The following SCUBE1 variants were observed in gnomAD, a reference collection of about 807,000 sequenced individuals.
SCUBE1 encodes signal peptide, CUB and EGF-like domain-containing protein 1.
SCUBE1 carries 59 observed loss-of-function variants against 124.4 expected under a neutral mutation model. The observed-to-expected ratio is 0.47, with a 90% CI of 0.38 to 0.59. The LOEUF is 0.59. Among genes scored for constraint, SCUBE1 ranks in the 20% least tolerant of loss-of-function variants. SCUBE1 has a pLI of 0.00. For synonymous variants in SCUBE1, 545 were observed against 550.9 expected, an observed-to-expected ratio of 0.99 and a Z score of 0.15; for missense variants, 1,150 against 1,371.2, an observed-to-expected ratio of 0.84 and a Z score of 2.55.
At chr22:43,280,802 G>C (rs1290125503) in intron 4 of SCUBE1, among the ~76,000 whole-genome samples, 1 of 124,400 alleles carries the variant, frequency 8.0e-6, no homozygotes, top group Non-Finnish European at 1.6e-5. Flanking sequence ...CAGCTACCCT[G>C]TCACCTCCCT....
intron 3 of SCUBE1, among the ~76,000 whole-genome samples, chr22:43,292,556 A>AACACACACACACACACACACACACAC (rs3985926): frequency 7.2e-6 from 1 of 139,600 alleles, no homozygotes; most frequent in African/African-American, 2.7e-5. Flanking sequence ...CCCGGTCCCT[A>AACACACACACACACACACACACACAC]ACACACACAC....
intron 10 of SCUBE1, among the ~76,000 whole-genome samples, chr22:43,226,433 GCCCTC>G (rs1922308698): frequency 6.6e-6 from 1 of 152,024 alleles, no homozygotes; most frequent in Non-Finnish European, 1.5e-5. Context: ...GTGTGGGGGG[GCCCTC>G]CAGGCCAAGA....
chr22:43,231,454 C>T (rs912514733), intron 8 of SCUBE1, among the ~76,000 whole-genome samples: 6 of 152,204 alleles, frequency 3.9e-5, no homozygotes, highest in African/African-American at 1.4e-4. Context: ...CAGAGGAGTT[C>T]GATGCTGGGA....
chr22:43,291,241 G>A (rs891011360), intron 3 of SCUBE1, 61 bp from the exon 4 acceptor site: 6 of 1,556,922 alleles, frequency 3.9e-6, no homozygotes, highest in African/African-American at 2.7e-5. Context: ...CAGGGCATGA[G>A]GGGCTGGCGG....
chr22:43,203,853 G>T lies in SCUBE1; in HGVS notation c.*144C>A, dbSNP rs570692266. The T allele has an allele frequency of 1.8e-5, 15 of 819,768 alleles. No homozygotes were observed. The East Asian group carries it at 4.0e-4, about 22-fold the overall frequency. The allele number at this position is 819,768 out of a possible 1,614,324, so 50.8% of individuals were successfully genotyped here. On this transcript the variant is annotated 3_prime_UTR_variant, in exon 22 of 22. Coordinates refer to ENST00000360835, the MANE Select transcript of SCUBE1 (RefSeq NM_173050.5). Reference sequence around the variant, plus strand: ...GCGGGTCCGAAGGGTGCCTGGGCTCGGTCTCCATGGGCTGGTCGGCTTCCC... The same window carrying T: ...GCGGGTCCGAAGGGTGCCTGGGCTCTGTCTCCATGGGCTGGTCGGCTTCCC...
intron 3 of SCUBE1, among the ~76,000 whole-genome samples, chr22:43,300,136 T>C (rs1925714401): frequency 6.6e-6 from 1 of 152,176 alleles, no homozygotes; most frequent in Non-Finnish European, 1.5e-5. Flanking sequence ...CCTGGGTGGA[T>C]ACCTGGGGGT....
intron 8 of SCUBE1, among the ~76,000 whole-genome samples, chr22:43,229,707 C>T (rs992119231): frequency 2.0e-5 from 3 of 152,088 alleles, no homozygotes; most frequent in African/African-American, 4.8e-5. Context: ...ATATGCCACC[C>T]ATAAAGGTCA....
intron 5 of SCUBE1, among the ~76,000 whole-genome samples, chr22:43,259,760 C>T: frequency 6.6e-6 from 1 of 152,170 alleles, no homozygotes; most frequent in East Asian, 1.9e-4. Context: ...AGAGGCTGCT[C>T]CCTCTTCCAC....
chr22:43,231,234 C>T (rs1922539235), intron 8 of SCUBE1, among the ~76,000 whole-genome samples: 1 of 152,220 alleles, frequency 6.6e-6, no homozygotes, highest in Non-Finnish European at 1.5e-5. Flanking sequence ...GGACCCTCCC[C>T]GTAGCCTTCC....
At chr22:43,323,115 T>C (rs1042948842) in intron 2 of SCUBE1, among the ~76,000 whole-genome samples, 26 of 152,282 alleles carry the variant, frequency 1.7e-4, no homozygotes, top group African/African-American at 6.0e-4. Context: ...GCTTTATACA[T>C]GATACAGTAT....
intron 7 of SCUBE1, among the ~76,000 whole-genome samples, chr22:43,236,109 T>G (rs999004958): frequency 1.1e-4 from 16 of 152,130 alleles, no homozygotes; most frequent in Non-Finnish European, 1.3e-4. Context: ...GCCTTTGAAC[T>G]CTCTCCTTTG....
intron 3 of SCUBE1, among the ~76,000 whole-genome samples, chr22:43,314,015 C>A (rs1926257469): frequency 6.6e-6 from 1 of 152,174 alleles, no homozygotes; most frequent in South Asian, 2.1e-4. Flanking sequence ...TTGACCCAGA[C>A]TTCTTGAGAC....
chr22:43,277,543 A>T (rs1924582212), intron 4 of SCUBE1, among the ~76,000 whole-genome samples: 1 of 152,176 alleles, frequency 6.6e-6, no homozygotes, highest in South Asian at 2.1e-4. Context: ...TTGGTTCATC[A>T]AGTGTCTTTG....
rs1921538758 is a variant in SCUBE1, at chr22:43,211,231, A to G, written c.2222-148T>C. The G allele has an allele frequency of 2.7e-6, 2 of 752,954 alleles. No individual in the cohort carries two copies. Among genetic ancestry groups the G allele is most frequent in the Non-Finnish European group, 4.3e-6 (2 of 465,260 alleles). 46.6% of individuals were successfully genotyped at this position (752,954 alleles called of 1,614,324 possible). A position where few individuals can be genotyped will look rare whatever the true frequency, so the allele number is the denominator to read the frequency against. On this transcript the variant is annotated intron_variant, in intron 17 of 21. Transcript: ENST00000360835. This position sits in a 1 kb window ranked among gnomAD's most constrained non-coding sequence, Gnocchi z 4.5. The stretch of plus-strand genomic sequence containing the variant: ...CCTCCCCACCGCCCCATGACCTCCC[A>G]CCACCCTCACTCCGCCATGGCCAGG...
intron 9 of SCUBE1, among the ~76,000 whole-genome samples, chr22:43,228,113 C>T (rs1922400489): frequency 6.6e-6 from 1 of 152,200 alleles, no homozygotes; most frequent in South Asian, 2.1e-4. Flanking sequence ...CCAGCTATGT[C>T]CTGATCACAT....
At chr22:43,274,450 C>T (rs1924417376) in intron 4 of SCUBE1, among the ~76,000 whole-genome samples, 1 of 152,226 alleles carries the variant, frequency 6.6e-6, no homozygotes, top group African/African-American at 2.4e-5. Context: ...CCATGGCGGA[C>T]GGACAGGCTG....
intron 3 of SCUBE1, among the ~76,000 whole-genome samples, chr22:43,313,008 T>C (rs1926225054): frequency 6.6e-6 from 1 of 152,186 alleles, no homozygotes; most frequent in Non-Finnish European, 1.5e-5. Context: ...CTGTGTGAGC[T>C]TGGGTAGGTC....
chr22:43,306,605 T>C (rs1569023535), intron 3 of SCUBE1, among the ~76,000 whole-genome samples: 1 of 152,080 alleles, frequency 6.6e-6, no homozygotes, highest in African/African-American at 2.4e-5. Context: ...CTGACCTGAA[T>C]GTACAAGCAC....
chr22:43,244,249 A>G (rs1923117963), intron 6 of SCUBE1, among the ~76,000 whole-genome samples: 1 of 152,132 alleles, frequency 6.6e-6, no homozygotes. Flanking sequence ...ACTCCTCAGG[A>G]CACAGCAGGC....
Sources: gnomAD v4.1 joint callset for allele counts (sites outside exome capture counted in the v4.1 genomes callset) on GRCh38, gnomAD v4.1.1 for gene constraint, Gnocchi (gnomAD v3.1) non-coding constraint, MANE v1.5 for transcripts, NCBI Gene and HGNC (gene_info 2026-07-23, HGNC 2026-07-21) for gene names.